The following MS4A6A variants were observed in gnomAD, a reference collection of about 807,000 sequenced individuals.
MS4A6A encodes the protein membrane-spanning 4-domains subfamily A member 6A.
Under a neutral mutation model 20.6 loss-of-function variants are expected in MS4A6A, and 19 were observed. The observed-to-expected ratio is 0.92, with a 90% confidence interval of 0.64 to 1.36. MS4A6A has a LOEUF of 1.36. Ranked by LOEUF, MS4A6A falls within the 40% of genes most tolerant of loss-of-function variation. The probability of loss-of-function intolerance (pLI) is 0.00; values close to 1 mark genes in which losing one functional copy is unlikely to be tolerated. For missense variants in MS4A6A, 272 were observed against 261.1 expected, an observed-to-expected ratio of 1.04 and a Z score of -0.29; for synonymous variants, 108 against 105.0, an observed-to-expected ratio of 1.03 and a Z score of -0.17.
upstream of MS4A6A, chr11:60,184,461 G>T (rs940986175): frequency 6.6e-6 from 1 of 152,204 alleles, no homozygotes; most frequent in Non-Finnish European, 1.5e-5. Flanking sequence ...AAGGAGCCCA[G>T]TCTCTTTGGT....
chr11:60,173,971 GA>G (rs1856710629), intron 5 of MS4A6A, among the ~76,000 whole-genome samples: 1 of 152,146 alleles, frequency 6.6e-6, no homozygotes, highest in Non-Finnish European at 1.5e-5. Flanking sequence ...TCCATTACTG[GA>G]AATTGTTCCA....
In MS4A6A at chr11:60,172,561, G is replaced by A. The variant is rs951008815; in HGVS notation, c.*440C>T. 3.6e-6 allele frequency: 4 copies of A among 1,122,526 alleles called. No individual in the cohort carries two copies. The African/African-American group carries it at 4.8e-5, about 13-fold the overall frequency. The allele number at this position is 1,122,526 out of a possible 1,614,324, so 69.5% of individuals were successfully genotyped here. On this transcript the variant is annotated 3_prime_UTR_variant, in exon 6 of 6. Coordinates refer to ENST00000528851, the MANE Select transcript of MS4A6A (RefSeq NM_022349.4). ...GCAAACGAATTTTAAGATCACCAGG[G>A]GCAAATGCAGAGCATAAGACATTCA...
intron 1 of MS4A6A, among the ~76,000 whole-genome samples, chr11:60,182,148 T>C (rs1857167042): frequency 6.6e-6 from 1 of 152,240 alleles, no homozygotes; most frequent in Non-Finnish European, 1.5e-5. Context: ...AATAATACTA[T>C]TTATTAGCAC....
chr11:60,178,181 T>C, intron 4 of MS4A6A, 79 bp downstream of exon 4: 1 of 1,331,674 alleles, frequency 7.5e-7, no homozygotes, highest in South Asian at 1.2e-5. Flanking sequence ...CTTTTCAAAG[T>C]AGAAAGACTA....
chr11:60,182,776 G>T (rs952616432), intron 1 of MS4A6A: 63 of 173,848 alleles, frequency 3.6e-4, no homozygotes, highest in African/African-American at 1.4e-3. Flanking sequence ...ACAACCTTAG[G>T]TAAGTGACTC....
chr11:60,178,576 G>T (rs1255137102), intron 3 of MS4A6A, among the ~76,000 whole-genome samples: 1 of 151,370 alleles, frequency 6.6e-6, no homozygotes, highest in Non-Finnish European at 1.5e-5. Flanking sequence ...TTAAAAGCCA[G>T]GAAATAATTT....
At chr11:60,178,589 G>GT (rs892940141) in intron 3 of MS4A6A, among the ~76,000 whole-genome samples, 1 of 151,522 alleles carries the variant, frequency 6.6e-6, no homozygotes, top group Non-Finnish European at 1.5e-5. Context: ...AATAATTTTT[G>GT]TTTTTTTAAT....
intron 5 of MS4A6A, among the ~76,000 whole-genome samples, chr11:60,175,160 C>G (rs1488330563): frequency 6.6e-6 from 1 of 152,124 alleles, no homozygotes; most frequent in Non-Finnish European, 1.5e-5. Context: ...AATTAAGAAC[C>G]TCTACAAACA....
Position 60,179,940 on chromosome 11 carries a change from A to G in MS4A6A, c.173T>C (p.Met58Thr), listed in dbSNP as rs1210642908. The G allele has an allele frequency of 1.9e-6, 3 of 1,614,128 alleles. No individual in the cohort carries two copies. Among genetic ancestry groups the G allele is most frequent in the East Asian group, 2.2e-5 (1 of 44,868 alleles). The change falls in exon 3 of 6, where the codon ATG becomes ACG. Residue 58 changes from methionine to threonine, a missense_variant. Coordinates refer to ENST00000528851, the MANE Select transcript of MS4A6A (RefSeq NM_022349.4). ...IGTIQILCGM[M>T]VLSLGIILAS... ...CAAAATGATCCCCAAGCTCAATACC[A>G]TCATGCCACACAAGATCTGGATAGT...
chr11:60,172,896 A>G lies in MS4A6A; in HGVS notation c.*105T>C, dbSNP rs1185577564. 8.3e-6 allele frequency: 13 copies of G among 1,563,850 alleles called. No individual in the cohort carries two copies. Among genetic ancestry groups the G allele is most frequent in the Non-Finnish European group, 1.1e-5 (13 of 1,150,380 alleles). On this transcript the variant is annotated 3_prime_UTR_variant, in exon 6 of 6. Coordinates refer to ENST00000528851, the MANE Select transcript of MS4A6A (RefSeq NM_022349.4). ...CTTTTCTTCTCTGTCTTCCATCACAATGCAAATGCCCTCCCATGTGTATCT... is the reference window on the plus strand; with the variant it reads ...CTTTTCTTCTCTGTCTTCCATCACAGTGCAAATGCCCTCCCATGTGTATCT...
intron 4 of MS4A6A, among the ~76,000 whole-genome samples, chr11:60,176,791 T>C (rs1056412405): frequency 2.6e-5 from 4 of 152,200 alleles, no homozygotes; most frequent in Non-Finnish European, 4.4e-5. Flanking sequence ...CAAAAAGGGC[T>C]GGTGCAATGT....
downstream of MS4A6A, among the ~76,000 whole-genome samples, chr11:60,171,618 A>T (rs1856597611): frequency 6.6e-6 from 1 of 152,204 alleles, no homozygotes; most frequent in Non-Finnish European, 1.5e-5. Context: ...GCACTCAAAA[A>T]TTTTATTTTG....
At position 60,172,814 on chromosome 11, in the gene MS4A6A, TTAAC is replaced by T; in HGVS notation, c.*183_*186del. On this transcript the variant is annotated 3_prime_UTR_variant, in exon 6 of 6. Transcript: ENST00000528851. ...GATTGAATCAGTTGATTTCTCATGATTAACTATTTTCATATCCAGTGAATTTTCA... is the reference window on the plus strand; with the variant it reads ...GATTGAATCAGTTGATTTCTCATGATTATTTTCATATCCAGTGAATTTTCA... The T allele has an allele frequency of 7.2e-7, 1 of 1,381,974 alleles. No individual in the cohort carries two copies. Among genetic ancestry groups the T allele is most frequent in the Non-Finnish European group, 9.4e-7 (1 of 1,063,920 alleles). 85.6% of individuals were successfully genotyped at this position (1,381,974 alleles called of 1,614,324 possible).
chr11:60,183,465 A>C, upstream of MS4A6A: 2 of 366,256 alleles, frequency 5.5e-6, no homozygotes, highest in Non-Finnish European at 9.9e-6. Context: ...TAGTAATCAT[A>C]ATATAGAGAA....
chr11:60,173,259 G>C (rs182617735), intron 5 of MS4A6A, 130 bp from the exon 6 acceptor site: 1 of 763,318 alleles, frequency 1.3e-6, no homozygotes, highest in East Asian at 2.7e-5. Flanking sequence ...CCATCAGGAA[G>C]ATAAAACTGC....
At chr11:60,179,604 G>A (rs1857021734) in intron 3 of MS4A6A, 1 of 618,142 alleles carries the variant, frequency 1.6e-6, no homozygotes. Context: ...AGATGATAAT[G>A]TGAAGAATAA....
intron 3 of MS4A6A, chr11:60,178,912 A>G: frequency 2.6e-6 from 1 of 389,460 alleles, no homozygotes; most frequent in Admixed American, 3.5e-5. Context: ...CAAAACTATC[A>G]AAGTTCTCAA....
intron 2 of MS4A6A, chr11:60,181,296 C>T (rs530334460): frequency 8.8e-6 from 4 of 455,732 alleles, no homozygotes; most frequent in African/African-American, 5.9e-5. Context: ...TATTTACCAC[C>T]ATTACTTTTG....
intron 1 of MS4A6A, 142 bp downstream of exon 1, chr11:60,182,836 A>C: frequency 3.7e-6 from 1 of 271,334 alleles, no homozygotes; most frequent in Non-Finnish European, 6.7e-6. Context: ...AAAAACAGAT[A>C]CTCCTTCCAT....
Sources: allele counts gnomAD v4.1 joint callset (sites outside exome capture counted in the v4.1 genomes callset), GRCh38; gene constraint gnomAD v4.1.1; transcripts MANE v1.5; gene names NCBI Gene and HGNC (gene_info 2026-07-23, HGNC 2026-07-21).